The following PLAAT3 variants were observed in gnomAD, a reference collection of about 807,000 sequenced individuals.
The protein encoded by PLAAT3 is Ca-independent phospholipase A1/2.
A neutral mutation model predicts 16.7 loss-of-function variants in PLAAT3; 21 were observed. That is an observed-to-expected ratio of 1.26 (90% CI 0.89 to 1.81). PLAAT3 has a LOEUF of 1.81. PLAAT3 is among the 40% of genes most tolerant of loss of function. The pLI is 0.00. For synonymous variants in PLAAT3, 76 were observed against 81.7 expected (o/e 0.93, Z 0.38); for missense variants, 219 against 213.7 (o/e 1.02, Z -0.16).
Position 63,579,539 on chromosome 11 carries a change from A to G in PLAAT3, c.388-4493T>C, listed in dbSNP as rs552596753. On this transcript the variant is annotated intron_variant, in intron 4 of 4. Transcript: ENST00000415826. ...ACATATACACCATGGAATACTATGC[A>G]GCCATAAAAAATGATGAATTCATGT... Among the ~76,000 whole-genome samples the G allele has an allele frequency of 6.6e-5, 10 of 152,272 alleles. No individual in the cohort carries two copies. In the East Asian group the frequency reaches 1.9e-3, roughly 29 times the overall value.
At chr11:63,599,869 G>T (rs1039543411) in intron 2 of PLAAT3, among the ~76,000 whole-genome samples, 1 of 152,186 alleles carries the variant, frequency 6.6e-6, no homozygotes, top group African/African-American at 2.4e-5. Flanking sequence ...GAGATGGTGT[G>T]GACATCAGTA....
intron 2 of PLAAT3, among the ~76,000 whole-genome samples, chr11:63,598,399 A>T (rs1938347847): frequency 6.6e-6 from 1 of 152,176 alleles, no homozygotes; most frequent in African/African-American, 2.4e-5. Context: ...CAAACCTAAA[A>T]GGTTTCTTCA....
chr11:63,606,435 C>CACACAT (rs1938563814), intron 2 of PLAAT3, among the ~76,000 whole-genome samples: 1 of 151,344 alleles, frequency 6.6e-6, no homozygotes, highest in Non-Finnish European at 1.5e-5. Context: ...AACACACACA[C>CACACAT]ACACACACAC....
intron 4 of PLAAT3, among the ~76,000 whole-genome samples, chr11:63,578,434 GA>G (rs778130883): frequency 6.6e-6 from 1 of 152,192 alleles, no homozygotes; most frequent in Non-Finnish European, 1.5e-5. Flanking sequence ...AGGAAATGGA[GA>G]AAAGATCAGG....
chr11:63,588,231 G>A (rs1455796647), intron 4 of PLAAT3, among the ~76,000 whole-genome samples: 8 of 151,984 alleles, frequency 5.3e-5, no homozygotes, highest in African/African-American at 1.2e-4. Context: ...CACCATGCCC[G>A]GCTAATTTTT....
At chr11:63,602,042 C>T (rs938805477) in intron 2 of PLAAT3, among the ~76,000 whole-genome samples, 7 of 149,390 alleles carry the variant, frequency 4.7e-5, no homozygotes, top group African/African-American at 1.5e-4. Flanking sequence ...AATCTCAGCA[C>T]TTTGGGAGGC....
intron 2 of PLAAT3, among the ~76,000 whole-genome samples, chr11:63,598,509 A>G (rs1184786409): frequency 2.0e-5 from 3 of 152,274 alleles, no homozygotes; most frequent in Non-Finnish European, 4.4e-5. Context: ...AGATGGCTCA[A>G]TAAATCCACA....
chr11:63,615,162 ATATATGTGTG>A (rs1938821044), upstream of PLAAT3, among the ~76,000 whole-genome samples: 2 of 7,118 alleles, frequency 2.8e-4, no homozygotes, highest in African/African-American at 3.7e-4. Flanking sequence ...ATATATGTGT[ATATATGTGTG>A]TATATGTGTG....
At chr11:63,583,696 C>T (rs1937885184) in intron 4 of PLAAT3, among the ~76,000 whole-genome samples, 1 of 152,176 alleles carries the variant, frequency 6.6e-6, no homozygotes, top group Non-Finnish European at 1.5e-5. Flanking sequence ...GATTTCTGAT[C>T]ATGAAAATGG....
intron 4 of PLAAT3, among the ~76,000 whole-genome samples, chr11:63,582,973 A>G (rs1052066469): frequency 6.6e-6 from 1 of 152,096 alleles, no homozygotes; most frequent in Non-Finnish European, 1.5e-5. Flanking sequence ...TCTACTAAAC[A>G]TACAAAAATT....
chr11:63,609,944 C>G (rs767888799), intron 2 of PLAAT3, among the ~76,000 whole-genome samples: 1 of 152,214 alleles, frequency 6.6e-6, no homozygotes, highest in South Asian at 2.1e-4. Context: ...CCACCAAGCA[C>G]TACTGGGGGT....
intron 3 of PLAAT3, among the ~76,000 whole-genome samples, chr11:63,591,350 C>A (rs1179090864): frequency 1.3e-5 from 2 of 152,152 alleles, no homozygotes; most frequent in African/African-American, 4.8e-5. Context: ...CCGCTGCACT[C>A]CGACCTGGAC....
At chr11:63,586,399 G>T (rs563806253) in intron 4 of PLAAT3, among the ~76,000 whole-genome samples, 199 of 152,318 alleles carry the variant, frequency 1.3e-3, no homozygotes, top group African/African-American at 4.5e-3. Flanking sequence ...CTCCCAAAGT[G>T]CTGGGATTAC....
Position 63,613,997 on chromosome 11 carries a change from T to TA in PLAAT3, c.15+2dup, listed in dbSNP as rs781438760. 1.9e-5 allele frequency: 30 copies of TA among 1,600,198 alleles called. No homozygotes were observed. In the East Asian group the frequency reaches 2.0e-4, roughly 11 times the overall value. ...GCCCAGCCCCGCCTCGCCCCGCACT[T>TA]ACAATGGGCGCACGCATCTTCCCTC... is the stretch of plus-strand genomic sequence containing the variant. On this transcript the variant is annotated splice_region_variant and intron_variant, in intron 2 of 4. Transcript: ENST00000415826.
chr11:63,576,579 C>T (rs1032943520), intron 4 of PLAAT3, among the ~76,000 whole-genome samples: 10 of 152,194 alleles, frequency 6.6e-5, no homozygotes, highest in Admixed American at 4.6e-4. Context: ...GCAAAGACTG[C>T]GCCATTGGGC....
intron 2 of PLAAT3, among the ~76,000 whole-genome samples, chr11:63,603,159 A>G (rs890091137): frequency 2.6e-5 from 4 of 152,168 alleles, no homozygotes; most frequent in African/African-American, 7.2e-5. Flanking sequence ...GCCAACCCCT[A>G]TTGTAAAAGA....
At chr11:63,613,276 T>A (rs1171912242) in intron 2 of PLAAT3, among the ~76,000 whole-genome samples, 1 of 151,858 alleles carries the variant, frequency 6.6e-6, no homozygotes, top group Non-Finnish European at 1.5e-5. Context: ...CCAGGCGTAG[T>A]GGCGGGCGCC....
At chr11:63,593,186 A>G (rs145618679) in intron 3 of PLAAT3, among the ~76,000 whole-genome samples, 11 of 152,342 alleles carry the variant, frequency 7.2e-5, no homozygotes, top group Middle Eastern at 3.4e-3. Flanking sequence ...CATGCTACTG[A>G]GAAGACGCTG....
At chr11:63,597,101 A>G (rs375423237) in intron 3 of PLAAT3, among the ~76,000 whole-genome samples, 16 of 151,574 alleles carry the variant, frequency 1.1e-4, no homozygotes, top group African/African-American at 3.9e-4. Context: ...CATCTAAAAA[A>G]AAAAAAAGTG....
Sources: allele counts gnomAD v4.1 joint callset (sites outside exome capture counted in the v4.1 genomes callset), GRCh38; gene constraint gnomAD v4.1.1; transcripts MANE v1.5; gene names NCBI Gene and HGNC (gene_info 2026-07-23, HGNC 2026-07-21).